TULP3: variants seen among roughly 807,000 people sequenced by gnomAD.
TULP3 encodes the protein TUB like protein 3.
Under a neutral mutation model 50.7 loss-of-function variants are expected in TULP3, and 38 were observed. The observed-to-expected ratio is 0.75, with a 90% confidence interval of 0.58 to 0.98. TULP3 has a LOEUF of 0.98. TULP3 is among the 50% of genes least tolerant of loss of function. The pLI is 0.00. For synonymous variants in TULP3, 183 were observed against 196.6 expected (o/e 0.93, Z 0.58); for missense variants, 550 against 568.0 (o/e 0.97, Z 0.32).
rs2098202560 is a variant in TULP3, at chr12:2,938,104, C to G, written c.1024-10C>G. 8 of 1,614,074 alleles carry G rather than the reference C, an allele frequency of 5.0e-6. No homozygotes were observed. In the East Asian group the frequency reaches 1.8e-4, roughly 36 times the overall value. ...TCTCAGTACAAAGTAATGATTTTCC[C>G]TTTGGACAGAACCATGACAGTTTGC... On this transcript the variant is annotated splice_polypyrimidine_tract_variant and intron_variant, in intron 9 of 10. Transcript: ENST00000448120.
chr12:2,933,300 T>C, intron 6 of TULP3, 118 bp from the exon 7 acceptor site: 1 of 643,696 alleles, frequency 1.6e-6, no homozygotes, highest in Non-Finnish European at 2.8e-6. Context: ...GATTAACAGC[T>C]TGACATATGC....
intron 1 of TULP3, among the ~76,000 whole-genome samples, chr12:2,899,522 A>C (rs547502804): frequency 1.4e-4 from 22 of 152,252 alleles, no homozygotes; most frequent in Non-Finnish European, 2.4e-4. Flanking sequence ...TTAAGAGAGC[A>C]TTGAAGATTG....
In TULP3 at chr12:2,939,843, G is replaced by T. The variant is rs2098203676; in HGVS notation, c.*399G>T. ...CCGCGCACTCTCACTCCTTTTCCAG[G>T]TTTCATAGACTTGGTGAGGGATCAC... On this transcript the variant is annotated 3_prime_UTR_variant, in exon 11 of 11. Coordinates refer to ENST00000448120, the MANE Select transcript of TULP3 (RefSeq NM_003324.5). The surrounding 1 kb of genome is among the most constrained non-coding windows in gnomAD (Gnocchi z 4.0). 8.4e-7 allele frequency: 1 copy of T among 1,193,030 alleles called. No homozygotes were observed. Among genetic ancestry groups the T allele is most frequent in the Non-Finnish European group, 1.1e-6 (1 of 943,472 alleles). The allele number at this position is 1,193,030 out of a possible 1,614,324, so 73.9% of individuals were successfully genotyped here.
intron 1 of TULP3, among the ~76,000 whole-genome samples, chr12:2,900,963 T>G (rs1271439523): frequency 6.6e-6 from 1 of 150,816 alleles, no homozygotes; most frequent in Non-Finnish European, 1.5e-5. Flanking sequence ...TCCTCTTGCC[T>G]CTTAAAGTGC....
intron 1 of TULP3, among the ~76,000 whole-genome samples, chr12:2,899,615 C>T (rs1184648313): frequency 1.3e-5 from 2 of 151,820 alleles, no homozygotes; most frequent in African/African-American, 2.4e-5. Flanking sequence ...AGGCGGGGGC[C>T]GGGCGTGGTG....
intron 1 of TULP3, among the ~76,000 whole-genome samples, chr12:2,901,094 T>C (rs942388717): frequency 6.6e-6 from 1 of 151,932 alleles, no homozygotes; most frequent in Non-Finnish European, 1.5e-5. Flanking sequence ...AAAAGTTCTT[T>C]TGTGAATATT....
chr12:2,900,056 A>G (rs1404112502), intron 1 of TULP3, among the ~76,000 whole-genome samples: 2 of 112,962 alleles, frequency 1.8e-5, no homozygotes, highest in African/African-American at 7.8e-5. Context: ...CTCTACTAAA[A>G]ATACAAAAAA....
chr12:2,919,630 G>C (rs1400576131), intron 2 of TULP3, among the ~76,000 whole-genome samples: 2 of 151,956 alleles, frequency 1.3e-5, no homozygotes, highest in Non-Finnish European at 2.9e-5. Context: ...TTATTTTTTA[G>C]CATGGGGCTT....
At chr12:2,936,513 G>A (rs547149725) in intron 8 of TULP3, among the ~76,000 whole-genome samples, 1 of 151,652 alleles carries the variant, frequency 6.6e-6, no homozygotes, top group South Asian at 2.1e-4. Flanking sequence ...CACCTTGGGA[G>A]GCCAAGATGG....
At position 2,937,200 on chromosome 12, in the gene TULP3, A is replaced by ATTTTTTTTTTTTTT. The variant is rs771074689; in HGVS notation, c.925-413_925-400dup. Among the ~76,000 whole-genome samples, 5 of 54,446 alleles carry ATTTTTTTTTTTTTT rather than the reference A, an allele frequency of 9.2e-5. 1 individual carries two copies. Among genetic ancestry groups the ATTTTTTTTTTTTTT allele is most frequent in the East Asian group, 7.1e-4 (1 of 1,402 alleles). The allele number at this position is 54,446 out of a possible 152,430, so 35.7% of individuals were successfully genotyped here. On this transcript the variant is annotated intron_variant, in intron 8 of 10. Transcript: ENST00000448120. ...AATAAAATTATTTTTGGTACACCTG[A>ATTTTTTTTTTTTTT]TTTTTTTTTTTTTTTTTTTTTTTTT... is the stretch of plus-strand genomic sequence containing the variant.
intron 1 of TULP3, among the ~76,000 whole-genome samples, chr12:2,906,032 A>ATT (rs757029329): frequency 5.0e-5 from 7 of 139,052 alleles, no homozygotes; most frequent in African/African-American, 1.3e-4. Context: ...AAAAAAAAAA[A>ATT]TTTTTTTTTT....
chr12:2,929,026 CCTT>C (rs1345353075), intron 4 of TULP3, among the ~76,000 whole-genome samples: 1 of 151,356 alleles, frequency 6.6e-6, no homozygotes, highest in East Asian at 1.9e-4. Context: ...TGAAGCCTTC[CCTT>C]CCCTTCCAAA....
Position 2,937,200 on chromosome 12 carries a change from A to ATTTTTTTTTTTTTTTTTTTTTTTTTT in TULP3, c.925-425_925-400dup, listed in dbSNP as rs771074689. On this transcript the variant is annotated intron_variant, in intron 8 of 10. Transcript: ENST00000448120. ...AATAAAATTATTTTTGGTACACCTG[A>ATTTTTTTTTTTTTTTTTTTTTTTTTT]TTTTTTTTTTTTTTTTTTTTTTTTT... is the stretch of plus-strand genomic sequence containing the variant. 3.7e-5 allele frequency among the ~76,000 whole-genome samples: 2 copies of ATTTTTTTTTTTTTTTTTTTTTTTTTT among 54,446 alleles called. 1 individual carries two copies. The highest frequency in any genetic ancestry group is 1.5e-4 in the African/African-American group (2 of 13,430). 35.7% of individuals were successfully genotyped at this position (54,446 alleles called of 152,430 possible). A position where few individuals can be genotyped will look rare whatever the true frequency, so the allele number is the denominator to read the frequency against.
At chr12:2,908,471 C>T (rs1465421924) in intron 1 of TULP3, among the ~76,000 whole-genome samples, 1 of 152,122 alleles carries the variant, frequency 6.6e-6, no homozygotes, top group South Asian at 2.1e-4. Flanking sequence ...CTCACCCTGT[C>T]GCCCAGGCTG....
chr12:2,891,010 T>C, intron 1 of TULP3, 22 bp downstream of exon 1: 1 of 1,567,902 alleles, frequency 6.4e-7, no homozygotes, highest in Non-Finnish European at 8.6e-7. Context: ...CCGTGGCAGG[T>C]CTCCTCCTGA....
chr12:2,925,235 T>G (rs1228702790), intron 4 of TULP3, among the ~76,000 whole-genome samples: 1 of 150,992 alleles, frequency 6.6e-6, no homozygotes, highest in Non-Finnish European at 1.5e-5. Flanking sequence ...ATGATCACAG[T>G]TGAGCTGTGG....
intron 1 of TULP3, among the ~76,000 whole-genome samples, chr12:2,893,389 C>T (rs749873862): frequency 2.6e-4 from 38 of 144,276 alleles, no homozygotes; most frequent in Non-Finnish European, 4.9e-4. Flanking sequence ...AGTGCAGTGG[C>T]GCCATCTTGG....
intron 9 of TULP3, 70 bp downstream of exon 9, chr12:2,937,799 C>CCAAAAA: frequency 6.9e-6 from 5 of 720,638 alleles, no homozygotes; most frequent in African/African-American, 2.7e-5. Flanking sequence ...GAGATTAATA[C>CCAAAAA]AAAAAAAAAA....
chr12:2,894,062 G>A (rs1014425262), intron 1 of TULP3, among the ~76,000 whole-genome samples: 4 of 152,078 alleles, frequency 2.6e-5, no homozygotes, highest in Non-Finnish European at 5.9e-5. Context: ...GACGGGGGTT[G>A]GCTGGTGCTG....
Sources: allele counts gnomAD v4.1 joint callset (sites outside exome capture counted in the v4.1 genomes callset), GRCh38; gene constraint gnomAD v4.1.1; non-coding constraint Gnocchi (gnomAD v3.1); transcripts MANE v1.5; gene names NCBI Gene and HGNC (gene_info 2026-07-23, HGNC 2026-07-21).